The following POFUT3 variants were observed in gnomAD, a reference collection of about 807,000 sequenced individuals.
POFUT3 encodes GDP-fucose protein O-fucosyltransferase 3.
chr8:33,331,690 T>TTGTTGTTG, the POFUT3 span, among the ~76,000 whole-genome samples: 1 of 145,614 alleles, frequency 6.9e-6, no homozygotes, highest in African/African-American at 2.8e-5. Context: ...TGTTGTTGTT[T>TTGTTGTTG]TTTGAGACGG....
chr8:33,345,207 A>T, the POFUT3 span, among the ~76,000 whole-genome samples: 25 of 152,142 alleles, frequency 1.6e-4, no homozygotes, highest in Admixed American at 3.3e-4. Flanking sequence ...ATGTATGCAG[A>T]GTAATTTCAT....
chr8:33,392,930 A>C, the POFUT3 span, among the ~76,000 whole-genome samples: 1 of 152,084 alleles, frequency 6.6e-6, no homozygotes, highest in African/African-American at 2.4e-5. Flanking sequence ...TCAGTGACCC[A>C]AGATTGCACC....
the POFUT3 span, among the ~76,000 whole-genome samples, chr8:33,454,723 G>C: frequency 6.7e-6 from 1 of 149,956 alleles, no homozygotes; most frequent in Non-Finnish European, 1.5e-5. Context: ...CCTGGGTGCA[G>C]TGGCGCGATC....
the POFUT3 span, among the ~76,000 whole-genome samples, chr8:33,464,874 A>G: frequency 1.3e-5 from 2 of 152,206 alleles, no homozygotes; most frequent in Non-Finnish European, 2.9e-5. Context: ...CACAGAAAAC[A>G]TATGTAGTAC....
chr8:33,357,174 C>T, the POFUT3 span, among the ~76,000 whole-genome samples: 624 of 152,066 alleles, frequency 4.1e-3, 2 homozygotes, highest in Middle Eastern at 0.014. Context: ...TGGTTCCATA[C>T]GAACTTTAAA....
chr8:33,443,713 G>T, the POFUT3 span, among the ~76,000 whole-genome samples: 143 of 152,156 alleles, frequency 9.4e-4, no homozygotes, highest in African/African-American at 3.2e-3. Context: ...AGCTGGTCTC[G>T]AACTTCTGAC....
the POFUT3 span, among the ~76,000 whole-genome samples, chr8:33,344,750 T>C: frequency 6.6e-6 from 1 of 152,118 alleles, no homozygotes; most frequent in Non-Finnish European, 1.5e-5. Flanking sequence ...AAATCTAAGG[T>C]GACTAAAGAC....
chr8:33,470,953 G>GA, the POFUT3 span, among the ~76,000 whole-genome samples: 3 of 151,700 alleles, frequency 2.0e-5, no homozygotes, highest in Non-Finnish European at 4.4e-5. Context: ...AAGATTTCCG[G>GA]AAATTTTTTT....
chr8:33,350,082 TTATA>T, the POFUT3 span, among the ~76,000 whole-genome samples: 150 of 152,284 alleles, frequency 9.9e-4, 1 homozygote, highest in African/African-American at 3.5e-3. Context: ...TGTTGGCCAT[TTATA>T]TATCTTTGTT....
chr8:33,412,300 G>A, the POFUT3 span, among the ~76,000 whole-genome samples: 1 of 152,176 alleles, frequency 6.6e-6, no homozygotes, highest in Non-Finnish European at 1.5e-5. Flanking sequence ...TTAATAGTAA[G>A]TCAAAGCAAA....
chr8:33,354,162 A>G, the POFUT3 span, among the ~76,000 whole-genome samples: 1 of 152,338 alleles, frequency 6.6e-6, no homozygotes, highest in Admixed American at 6.5e-5. Flanking sequence ...TAGGCAGAAT[A>G]TGAATTTTGG....
chr8:33,358,660 A>T, the POFUT3 span, among the ~76,000 whole-genome samples: 1 of 152,096 alleles, frequency 6.6e-6, no homozygotes, highest in Admixed American at 6.6e-5. Context: ...CTAGGAGGTG[A>T]TTAAGTCATG....
the POFUT3 span, among the ~76,000 whole-genome samples, chr8:33,458,560 C>CA: frequency 6.6e-6 from 1 of 151,588 alleles, no homozygotes; most frequent in East Asian, 1.9e-4. Flanking sequence ...ACTAAAAATA[C>CA]AAAAAATTAG....
the POFUT3 span, among the ~76,000 whole-genome samples, chr8:33,446,610 G>A: frequency 2.6e-5 from 4 of 152,100 alleles, no homozygotes; most frequent in South Asian, 6.2e-4. Flanking sequence ...TTGCTCAAGT[G>A]TTTACTGTAA....
the POFUT3 span, among the ~76,000 whole-genome samples, chr8:33,330,255 C>G: frequency 1.3e-5 from 2 of 152,030 alleles, no homozygotes; most frequent in African/African-American, 4.8e-5. Flanking sequence ...ATCATCCTGG[C>G]CAACACAGTG....
the POFUT3 span, among the ~76,000 whole-genome samples, chr8:33,437,964 C>A: frequency 2.6e-5 from 4 of 152,120 alleles, no homozygotes; most frequent in African/African-American, 9.7e-5. Context: ...TATCAATGAT[C>A]TGATGTCAAA....
chr8:33,442,658 C>T, the POFUT3 span, among the ~76,000 whole-genome samples: 2 of 150,448 alleles, frequency 1.3e-5, no homozygotes, highest in African/African-American at 2.5e-5. Context: ...GTGGGTCTCT[C>T]TGTATTGCTC....
the POFUT3 span, among the ~76,000 whole-genome samples, chr8:33,409,144 C>T: frequency 6.6e-6 from 1 of 151,964 alleles, no homozygotes; most frequent in Non-Finnish European, 1.5e-5. Context: ...CTTTTATTGC[C>T]CAGGCTGGTG....
the POFUT3 span, among the ~76,000 whole-genome samples, chr8:33,323,302 G>A: frequency 4.6e-5 from 7 of 152,260 alleles, no homozygotes; most frequent in East Asian, 3.9e-4. Flanking sequence ...TGTTGGAAAC[G>A]TGCCTTATTT....
Sources: gnomAD v4.1 joint callset for allele counts (sites outside exome capture counted in the v4.1 genomes callset) on GRCh38, gnomAD v4.1.1 for gene constraint, MANE v1.5 for transcripts, NCBI Gene and HGNC (gene_info 2026-07-23, HGNC 2026-07-21) for gene names.